The following SAFB2 variants were observed in gnomAD, a reference collection of about 807,000 sequenced individuals.
SAFB2 encodes the protein scaffold attachment factor B2.
SAFB2 carries 32 observed loss-of-function variants against 100.6 expected under a neutral mutation model. That is an observed-to-expected ratio of 0.32 (90% confidence interval 0.24 to 0.43). SAFB2 has a LOEUF of 0.43. SAFB2 is among the 20% of genes least tolerant of loss of function. The pLI is 1.00. For synonymous variants in SAFB2, 500 were observed against 439.4 expected (o/e 1.14, Z -1.72); for missense variants, 1,185 against 1,163.4 (o/e 1.02, Z -0.27).
chr19:5,617,999 C>T (rs1036470341), intron 2 of SAFB2, among the ~76,000 whole-genome samples: 2 of 151,964 alleles, frequency 1.3e-5, no homozygotes, highest in African/African-American at 4.8e-5. Context: ...CAAAAATTAG[C>T]CAGGCATGGT....
intron 17 of SAFB2, among the ~76,000 whole-genome samples, chr19:5,591,046 G>A (rs1323532982): frequency 6.6e-6 from 1 of 152,000 alleles, no homozygotes; most frequent in Non-Finnish European, 1.5e-5. Flanking sequence ...TTGAAACATG[G>A]GGAAGCCCGG....
At chr19:5,589,184 C>T (rs754029953) in intron 18 of SAFB2, among the ~76,000 whole-genome samples, 1 of 152,236 alleles carries the variant, frequency 6.6e-6, no homozygotes, top group Non-Finnish European at 1.5e-5. Context: ...GGCGCCCAGC[C>T]GCTGCTCACC....
At chr19:5,588,360 T>C (rs1045237097) in intron 18 of SAFB2, among the ~76,000 whole-genome samples, 21 of 152,130 alleles carry the variant, frequency 1.4e-4, no homozygotes, top group Non-Finnish European at 3.1e-4. Context: ...CTTCAAAAAG[T>C]TAAGCGCAGA....
intron 14 of SAFB2, among the ~76,000 whole-genome samples, chr19:5,595,158 C>A (rs1012390725): frequency 6.6e-6 from 1 of 152,192 alleles, no homozygotes; most frequent in African/African-American, 2.4e-5. Context: ...CCTTTGATGA[C>A]TTTCATGCCA....
At position 5,592,884 on chromosome 19, in the gene SAFB2, T is replaced by G; in HGVS notation, c.2211A>C (p.Arg737=). 6.2e-7 allele frequency: 1 copy of G among 1,613,798 alleles called. No homozygotes were observed. Among genetic ancestry groups the G allele is most frequent in the Non-Finnish European group, 8.5e-7 (1 of 1,179,816 alleles). ...TTCCTTCTGGCCAATAGGCATCATC[T>G]CGTCTGTTGGTTTTTATTTTAAAAG... ...PGRRPYDLDR[R]DDAYWPEGKR... is the part of the protein sequence containing the mutation. Residue 737 remains arginine (R), a synonymous_variant, in exon 16 of 21, where the codon CGA becomes CGC. Transcript: ENST00000252542.
chr19:5,600,169 T>G lies in SAFB2; in HGVS notation c.1651A>C (p.Lys551Gln), dbSNP rs1269010309. The change falls in exon 12 of 21, where the codon AAA becomes CAA. Residue 551 changes from lysine to glutamine, a missense_variant. Coordinates refer to ENST00000252542, the MANE Select transcript of SAFB2 (RefSeq NM_014649.3). ...KKEEKDQDEL[K>Q]PGPTNRSRVT... ...CTAGACCGATTTGTAGGTCCGGGTT[T>G]CAGCTCATCCTGGTCTTTTTCTTCC... The G allele has an allele frequency of 6.2e-7, 1 of 1,614,196 alleles. No individual in the cohort carries two copies. The highest frequency in any genetic ancestry group is 8.5e-7 in the Non-Finnish European group (1 of 1,180,026).
At chr19:5,591,953 T>C (rs887633983) in intron 16 of SAFB2, among the ~76,000 whole-genome samples, 160 bp from the exon 17 acceptor site, 1 of 152,180 alleles carries the variant, frequency 6.6e-6, no homozygotes, top group South Asian at 2.1e-4. Flanking sequence ...TCGAAAGGCT[T>C]TTCCCCGGGG....
At position 5,617,739 on chromosome 19, in the gene SAFB2, G is replaced by A. The variant is rs189619206; in HGVS notation, c.275-1253C>T. Among the ~76,000 whole-genome samples, 5 of 152,186 alleles carry A rather than the reference G, an allele frequency of 3.3e-5. No homozygotes were observed. The East Asian group carries it at 7.7e-4, about 24-fold the overall frequency. On this transcript the variant is annotated intron_variant, in intron 2 of 20. Transcript: ENST00000252542. Reference sequence around the variant, plus strand: ...ACTCCCCAACCCCAGAGAATTCTTCGGCCCAAATTGTCAACAGTGCCAATG... The same window carrying A: ...ACTCCCCAACCCCAGAGAATTCTTCAGCCCAAATTGTCAACAGTGCCAATG...
intron 11 of SAFB2, among the ~76,000 whole-genome samples, chr19:5,603,070 C>G (rs2145336507): frequency 6.6e-6 from 1 of 152,040 alleles, no homozygotes; most frequent in East Asian, 1.9e-4. Flanking sequence ...AGGGTGGAAA[C>G]CAACCTGAGC....
intron 11 of SAFB2, among the ~76,000 whole-genome samples, chr19:5,601,663 G>T (rs763221742): frequency 5.5e-4 from 84 of 151,998 alleles, no homozygotes; most frequent in Admixed American, 2.0e-4. Flanking sequence ...AGTCAGCCGA[G>T]ATGGCGCCAC....
At chr19:5,594,230 G>C in intron 14 of SAFB2, 52 bp from the exon 15 acceptor site, 1 of 1,494,176 alleles carries the variant, frequency 6.7e-7, no homozygotes, top group Non-Finnish European at 8.8e-7. Flanking sequence ...CCTCCAAGGA[G>C]AAAGCCCGGT....
rs569882746 is a variant in SAFB2, at chr19:5,590,805, G to C, written c.2395-397C>G. On this transcript the variant is annotated intron_variant, in intron 17 of 20. Coordinates refer to ENST00000252542, the MANE Select transcript of SAFB2 (RefSeq NM_014649.3). ...TGTGCTCTGGCAGGGCCACAATTCC[G>C]GCCTCCCTGGCCAACCAACTCTGCA... Among the ~76,000 whole-genome samples, 321 of 152,290 alleles carry C rather than the reference G, an allele frequency of 2.1e-3. 1 individual carries two copies. Among genetic ancestry groups the C allele is most frequent in the African/African-American group, 7.6e-3 (314 of 41,564 alleles).
rs2052741633 is a variant in SAFB2 at position 5,604,942 on chromosome 19, T to C, written c.1297-6A>G. The C allele has an allele frequency of 2.5e-6, 4 of 1,610,870 alleles. No individual in the cohort carries two copies. The highest frequency in any genetic ancestry group is 2.2e-5 in the South Asian group (2 of 90,888). On this transcript the variant is annotated splice_polypyrimidine_tract_variant and splice_region_variant and intron_variant, in intron 9 of 20. Transcript: ENST00000252542. ...ACCACTTTGGCCCCGACAACCTTCA[T>C]GAAAAAGGGCACTCTTACTCTCTCA... is the stretch of plus-strand genomic sequence containing the variant.
At chr19:5,614,145 G>A (rs778519894) in intron 4 of SAFB2, among the ~76,000 whole-genome samples, 2 of 152,198 alleles carry the variant, frequency 1.3e-5, no homozygotes, top group Non-Finnish European at 2.9e-5. Flanking sequence ...TAGTAGAGAC[G>A]GGGTTTCACC....
chr19:5,612,598 G>T, intron 5 of SAFB2, 31 bp from the exon 6 acceptor site: 2 of 1,598,532 alleles, frequency 1.3e-6, no homozygotes, highest in Non-Finnish European at 8.6e-7. Context: ...AAATCCACAA[G>T]TCACTTTAAA....
chr19:5,592,525 G>C (rs1001313008), intron 16 of SAFB2, among the ~76,000 whole-genome samples: 1 of 152,128 alleles, frequency 6.6e-6, no homozygotes, highest in Admixed American at 6.5e-5. Context: ...GAAAAGAGTC[G>C]GTGGATGGAA....
At chr19:5,593,725 T>TGCA in intron 15 of SAFB2, 166 bp downstream of exon 15, 2 of 686,698 alleles carry the variant, frequency 2.9e-6, no homozygotes, top group Non-Finnish European at 4.5e-6. Context: ...CTAATAAACC[T>TGCA]GCAGCAGCGC....
chr19:5,592,704 GC>G, intron 16 of SAFB2, 42 bp downstream of exon 16: 1 of 1,609,110 alleles, frequency 6.2e-7, no homozygotes, highest in Non-Finnish European at 8.5e-7. Context: ...ATGCCCCGGT[GC>G]CCACAATGAC....
chr19:5,614,773 T>C (rs894829783), intron 4 of SAFB2, among the ~76,000 whole-genome samples: 4 of 152,202 alleles, frequency 2.6e-5, no homozygotes, highest in African/African-American at 7.2e-5. Flanking sequence ...ACACTAGAAG[T>C]GAAAAGCTGG....
Sources: allele counts gnomAD v4.1 joint callset (sites outside exome capture counted in the v4.1 genomes callset), GRCh38; gene constraint gnomAD v4.1.1; transcripts MANE v1.5; gene names NCBI Gene and HGNC (gene_info 2026-07-23, HGNC 2026-07-21).